QRSL1: variants seen among roughly 807,000 people sequenced by gnomAD.
QRSL1 encodes the protein glutamyl-tRNA(Gln) amidotransferase subunit A, mitochondrial.
Under a neutral mutation model 61.6 loss-of-function variants are expected in QRSL1, and 54 were observed. The observed-to-expected ratio is 0.88, with a 90% CI of 0.70 to 1.10. QRSL1 has a LOEUF of 1.10. QRSL1 is among the 50% of genes least tolerant of loss of function. The probability of loss-of-function intolerance (pLI) is 0.00; values close to 1 mark genes in which losing one functional copy is unlikely to be tolerated. For missense variants in QRSL1, 505 were observed against 622.6 expected (o/e 0.81, Z 2.01); for synonymous variants, 228 against 225.7 (o/e 1.01, Z -0.09).
At chr6:106,650,944 G>A (rs1388081007) in intron 5 of QRSL1, among the ~76,000 whole-genome samples, 1 of 152,062 alleles carries the variant, frequency 6.6e-6, no homozygotes, top group Non-Finnish European at 1.5e-5. Flanking sequence ...TTTTTTAATT[G>A]TGGTAAAATG....
chr6:106,654,707 G>T (rs998393237), intron 7 of QRSL1, 23 bp from the exon 8 acceptor site: 1 of 1,583,418 alleles, frequency 6.3e-7, no homozygotes, highest in Non-Finnish European at 8.6e-7. Flanking sequence ...TTCCAATTTT[G>T]TATCTTGACT....
At chr6:106,650,203 T>C (rs1444406158) in intron 5 of QRSL1, among the ~76,000 whole-genome samples, 1 of 152,220 alleles carries the variant, frequency 6.6e-6, no homozygotes, top group African/African-American at 2.4e-5. Flanking sequence ...TCTTTCTGAA[T>C]GTGCTTTTTA....
chr6:106,637,546 G>A (rs1441013432), intron 1 of QRSL1, among the ~76,000 whole-genome samples: 1 of 152,148 alleles, frequency 6.6e-6, no homozygotes, highest in Non-Finnish European at 1.5e-5. Context: ...TGGGTGAGCG[G>A]AATGTTTGAG....
chr6:106,631,596 C>CGT (rs771731053), intron 1 of QRSL1, among the ~76,000 whole-genome samples: 1 of 152,014 alleles, frequency 6.6e-6, no homozygotes, highest in Non-Finnish European at 1.5e-5. Context: ...CAGAAGTACT[C>CGT]GTGTGTGTGG....
chr6:106,657,938 C>T (rs1257066805), intron 9 of QRSL1, among the ~76,000 whole-genome samples: 7 of 152,162 alleles, frequency 4.6e-5, no homozygotes, highest in South Asian at 2.1e-4. Context: ...CTCCTGACCT[C>T]GTGATCCGCC....
Position 106,652,473 on chromosome 6 carries a change from TG to T in QRSL1, c.742del (p.Ala248ProfsTer27). The stretch of plus-strand genomic sequence containing the variant: ...TAAGTATTGCTCCTTACAGGTGCAC[TG>T]GCCGGACCTGACCCCAGGGACTCTA... ...VDDAAIVLGA[L>X]AGPDPRDSTT... On this transcript the variant is annotated frameshift_variant, in exon 7 of 11. Coordinates refer to ENST00000369046, the MANE Select transcript of QRSL1 (RefSeq NM_018292.5). LOFTEE classifies it high-confidence loss of function. The T allele has an allele frequency of 4.3e-6, 7 of 1,614,196 alleles. No individual in the cohort carries two copies. The highest frequency in any genetic ancestry group is 5.9e-6 in the Non-Finnish European group (7 of 1,180,024).
Position 106,632,573 on chromosome 6 carries a change from AG to A in QRSL1, c.24+2869del, listed in dbSNP as rs559543646. On this transcript the variant is annotated intron_variant, in intron 1 of 10. Transcript: ENST00000369046. ...CCATACTATTCTCCATAGTGGCTGT[AG>A]TAATTTACATTTCATCCAACTTTTC... Among the ~76,000 whole-genome samples the A allele has an allele frequency of 2.7e-4, 41 of 152,202 alleles. 1 individual carries two copies. In the East Asian group the frequency reaches 7.9e-3, roughly 29 times the overall value.
At chr6:106,646,510 A>G (rs576300275) in intron 4 of QRSL1, among the ~76,000 whole-genome samples, 14 of 152,296 alleles carry the variant, frequency 9.2e-5, no homozygotes, top group Non-Finnish European at 1.9e-4. Context: ...AAGAAAATGT[A>G]GGGGATGCTG....
intron 1 of QRSL1, 29 bp from the exon 2 acceptor site, chr6:106,640,320 A>G (rs1318460238): frequency 3.1e-6 from 5 of 1,588,038 alleles, no homozygotes; most frequent in Middle Eastern, 3.3e-4. Flanking sequence ...CAGACTCAGT[A>G]AAAGGTTTTT....
At chr6:106,643,876 CTT>C (rs796253115) in intron 4 of QRSL1, among the ~76,000 whole-genome samples, 4 of 142,518 alleles carry the variant, frequency 2.8e-5, no homozygotes, top group Non-Finnish European at 3.1e-5. Context: ...TCTTTTCATT[CTT>C]TTTTTTTTTT....
rs1433020816 is a variant in QRSL1 at position 106,652,315 on chromosome 6, C to G, written c.664C>G (p.Pro222Ala). Reference sequence around the variant, plus strand: ...CTTAGTTTCCCGTCATGGTCTCATTCCCCTGGTGAATTCGATGGATGTGCC... The same window carrying G: ...CTTAGTTTCCCGTCATGGTCTCATTGCCCTGGTGAATTCGATGGATGTGCC... ...YGLVSRHGLI[P>A]LVNSMDVPGI... is the part of the protein sequence containing the mutation. Residue 222 changes from proline (P) to alanine (A), a missense_variant, in exon 6 of 11, where the codon CCC (proline) becomes GCC (alanine). Pro to Ala is a conservative substitution (Grantham distance 27, BLOSUM62 -1). Transcript: ENST00000369046. The G allele has an allele frequency of 6.2e-7, 1 of 1,614,160 alleles. No individual in the cohort carries two copies.
intron 9 of QRSL1, among the ~76,000 whole-genome samples, chr6:106,657,344 T>G (rs1777287973): frequency 6.6e-6 from 1 of 152,092 alleles, no homozygotes; most frequent in Non-Finnish European, 1.5e-5. Context: ...ATGCTTGTAA[T>G]GACTTTGGAG....
chr6:106,630,455 C>A (rs186843111), intron 1 of QRSL1, among the ~76,000 whole-genome samples: 6 of 152,292 alleles, frequency 3.9e-5, no homozygotes, highest in African/African-American at 1.2e-4. Flanking sequence ...AATCACTAAG[C>A]CCTCTTCATT....
At chr6:106,655,226 A>G (rs1290384690) in intron 8 of QRSL1, among the ~76,000 whole-genome samples, 1 of 152,184 alleles carries the variant, frequency 6.6e-6, no homozygotes, top group Non-Finnish European at 1.5e-5. Context: ...GAGGGAGTGA[A>G]CAATTGGAGT....
intron 3 of QRSL1, 35 bp from the exon 4 acceptor site, chr6:106,642,959 T>A (rs1232323473): frequency 1.4e-6 from 2 of 1,402,602 alleles, no homozygotes; most frequent in Admixed American, 1.9e-5. Flanking sequence ...ACTTCTGGAC[T>A]GTAAAAAAAA....
At chr6:106,643,681 A>G (rs1777061084) in intron 4 of QRSL1, among the ~76,000 whole-genome samples, 1 of 115,118 alleles carries the variant, frequency 8.7e-6, no homozygotes, top group Non-Finnish European at 1.8e-5. Flanking sequence ...ACTCTGTCTC[A>G]AAAAAAAAAA....
At position 106,639,132 on chromosome 6, in the gene QRSL1, T is replaced by G. The variant is rs1337137934; in HGVS notation, c.25-1217T>G. Reference sequence around the variant, plus strand: ...GTGTGTTTTGTTGTTTTTTTTTTTTTTTTTTTTTTTTTTTGACAGAGTCTG... The same window carrying G: ...GTGTGTTTTGTTGTTTTTTTTTTTTGTTTTTTTTTTTTTTGACAGAGTCTG... On this transcript the variant is annotated intron_variant, in intron 1 of 10. Coordinates refer to ENST00000369046, the MANE Select transcript of QRSL1 (RefSeq NM_018292.5). 1.8e-4 allele frequency among the ~76,000 whole-genome samples: 25 copies of G among 139,800 alleles called. 1 individual carries two copies. Among genetic ancestry groups the G allele is most frequent in the South Asian group, 2.4e-4 (1 of 4,238 alleles). 91.7% of individuals were successfully genotyped at this position (139,800 alleles called of 152,430 possible). A position where few individuals can be genotyped will look rare whatever the true frequency, so the allele number is the denominator to read the frequency against.
At position 106,637,140 on chromosome 6, in the gene QRSL1, G is replaced by T. The variant is rs77010491; in HGVS notation, c.25-3209G>T. Among the ~76,000 whole-genome samples, 28 of 152,292 alleles carry T rather than the reference G, an allele frequency of 1.8e-4. No homozygotes were observed. In the East Asian group the frequency reaches 5.2e-3, roughly 28 times the overall value. On this transcript the variant is annotated intron_variant, in intron 1 of 10. Transcript: ENST00000369046. Reference sequence around the variant, plus strand: ...TGGTTTCTGGCAGAATTCATTTCCTGTGGTTGTGGAACTAAGGTCCGATTT... The same window carrying T: ...TGGTTTCTGGCAGAATTCATTTCCTTTGGTTGTGGAACTAAGGTCCGATTT...
Position 106,665,957 on chromosome 6 carries a change from A to C in QRSL1, c.1542A>C (p.Ala514=), listed in dbSNP as rs1418939881. The change falls in exon 11 of 11, where the codon GCA becomes GCC. Residue 514 remains alanine (A), a synonymous_variant. Transcript: ENST00000369046. ...AAGAACTCATGGATGATTGTTCAGC[A>C]GTCCTTGAAAATGAAAAGTTAGCCT... is the stretch of plus-strand genomic sequence containing the variant. The part of the protein sequence containing the change: ...QLQELMDDCS[A]VLENEKLASV... The C allele has an allele frequency of 6.2e-7, 1 of 1,614,058 alleles. No homozygotes were observed. Among genetic ancestry groups the C allele is most frequent in the Non-Finnish European group, 8.5e-7 (1 of 1,179,878 alleles).
Sources: gnomAD v4.1 joint callset for allele counts (sites outside exome capture counted in the v4.1 genomes callset) on GRCh38, gnomAD v4.1.1 for gene constraint, MANE v1.5 for transcripts, NCBI Gene and HGNC (gene_info 2026-07-23, HGNC 2026-07-21) for gene names.